The following SASS6 variants were observed in gnomAD, a reference collection of about 807,000 sequenced individuals.
SASS6 encodes spindle assembly abnormal protein 6 homolog.
SASS6 carries 59 observed loss-of-function variants against 94.9 expected under a neutral mutation model. That is an observed-to-expected ratio of 0.62 (90% CI 0.50 to 0.77). The LOEUF is 0.77. SASS6 is among the 30% of genes least tolerant of loss of function. The pLI is 0.00. For missense variants in SASS6, 698 were observed against 734.1 expected (o/e 0.95, Z 0.57); for synonymous variants, 264 against 270.0 (o/e 0.98, Z 0.22).
chr1:100,125,757 G>C (rs1654572436), intron 2 of SASS6, 125 bp downstream of exon 2: 1 of 644,576 alleles, frequency 1.6e-6, no homozygotes, highest in East Asian at 3.0e-5. Context: ...ATTTCCAACA[G>C]TTGCAAAATA....
At chr1:100,124,934 G>A (rs773125579) in intron 2 of SASS6, among the ~76,000 whole-genome samples, 12 of 152,076 alleles carry the variant, frequency 7.9e-5, no homozygotes, top group East Asian at 1.9e-4. Context: ...GAGGTGGATC[G>A]TAGGAGGTTA....
chr1:100,096,453 G>A (rs72973317), intron 14 of SASS6, among the ~76,000 whole-genome samples: 5,025 of 152,208 alleles, frequency 0.033, 303 homozygotes, highest in African/African-American at 0.11. Flanking sequence ...AAACAAAGGA[G>A]AAAATGTTTT....
intron 14 of SASS6, 111 bp downstream of exon 14, chr1:100,102,844 C>T (rs1652604353): frequency 2.6e-6 from 2 of 781,836 alleles, no homozygotes; most frequent in Admixed American, 4.5e-5. Context: ...ACACTACCTA[C>T]TACTTAACAA....
rs1157677771 is a variant in SASS6 at position 100,088,041 on chromosome 1, T to G, written c.1772+98A>C. 27 of 596,310 alleles carry G rather than the reference T, an allele frequency of 4.5e-5. No individual in the cohort carries two copies. The Middle Eastern group carries it at 1.1e-3, about 24-fold the overall frequency. The allele number at this position is 596,310 out of a possible 1,614,324, so 36.9% of individuals were successfully genotyped here. A position where few individuals can be genotyped will look rare whatever the true frequency, so the allele number is the denominator to read the frequency against. On this transcript the variant is annotated intron_variant, in intron 15 of 16. Coordinates refer to ENST00000287482, the MANE Select transcript of SASS6 (RefSeq NM_194292.3). ...GATCAGTAACTTGAAATGTCTCAGG[T>G]AAACAGGTGGGCATCACAGCTCTCA...
At chr1:100,107,348 A>G in intron 11 of SASS6, 26 bp downstream of exon 11, 1 of 1,448,170 alleles carries the variant, frequency 6.9e-7, no homozygotes, top group South Asian at 1.2e-5. Flanking sequence ...TTTAGTTACA[A>G]CATAAAAATT....
At position 100,107,962 on chromosome 1, in the gene SASS6, CTCTT is replaced by C; in HGVS notation, c.900_903del (p.Glu302IlefsTer4). 2 of 1,612,438 alleles carry C rather than the reference CTCTT, an allele frequency of 1.2e-6. No individual in the cohort carries two copies. Among genetic ancestry groups the C allele is most frequent in the Non-Finnish European group, 1.7e-6 (2 of 1,179,164 alleles). On this transcript the variant is annotated frameshift_variant, in exon 9 of 17. Coordinates refer to ENST00000287482, the MANE Select transcript of SASS6 (RefSeq NM_194292.3). LOFTEE classifies it high-confidence loss of function. ...CATTCAACATCTAGTGTAGAATTCT[CTCTT>C]CGCAAAGAGAGGACTTCTTGCTTAG...
At chr1:100,089,901 GAAAA>G (rs60639180) in intron 14 of SASS6, among the ~76,000 whole-genome samples, 2 of 136,150 alleles carry the variant, frequency 1.5e-5, no homozygotes, top group African/African-American at 2.7e-5. Context: ...ATTGTTTAAA[GAAAA>G]AAAAAAAGTA....
At chr1:100,090,453 CA>C (rs1651590833) in intron 14 of SASS6, among the ~76,000 whole-genome samples, 1 of 152,128 alleles carries the variant, frequency 6.6e-6, no homozygotes, top group Non-Finnish European at 1.5e-5. Flanking sequence ...TCCTAAGCGT[CA>C]AAGAGAGGGA....
At chr1:100,129,338 C>G (rs1654847316) in intron 1 of SASS6, among the ~76,000 whole-genome samples, 1 of 151,984 alleles carries the variant, frequency 6.6e-6, no homozygotes, top group African/African-American at 2.4e-5. Flanking sequence ...AGATTAATGA[C>G]TTTTTGCTAG....
intron 6 of SASS6, among the ~76,000 whole-genome samples, 182 bp from the exon 7 acceptor site, chr1:100,119,319 AC>A (rs1372341637): frequency 2.0e-5 from 3 of 152,240 alleles, no homozygotes; most frequent in Non-Finnish European, 4.4e-5. Flanking sequence ...TAGAATAAGA[AC>A]AATCTTAGAC....
chr1:100,094,146 T>C lies in SASS6; in HGVS notation c.1675-5910A>G, dbSNP rs138911302. ...AGAGAGGATGTTACAGCAGAGTCTA[T>C]AGACATTAAAAATAATGGAATACTA... is the stretch of plus-strand genomic sequence containing the variant. On this transcript the variant is annotated intron_variant, in intron 14 of 16. Coordinates refer to ENST00000287482, the MANE Select transcript of SASS6 (RefSeq NM_194292.3). Among the ~76,000 whole-genome samples, 202 of 152,246 alleles carry C rather than the reference T, an allele frequency of 1.3e-3. 2 individuals are homozygous for C. The highest frequency in any genetic ancestry group is 0.012 in the South Asian group (60 of 4,828).
At chr1:100,101,242 G>A (rs939348752) in intron 14 of SASS6, among the ~76,000 whole-genome samples, 1 of 151,710 alleles carries the variant, frequency 6.6e-6, no homozygotes, top group Non-Finnish European at 1.5e-5. Context: ...TAATTATACG[G>A]CATATAGTAT....
chr1:100,122,338 C>A, intron 4 of SASS6, 42 bp downstream of exon 4: 1 of 868,656 alleles, frequency 1.2e-6, no homozygotes, highest in South Asian at 1.5e-5. Flanking sequence ...AAGAGTCTGT[C>A]TTGAATTAAA....
chr1:100,118,341 G>C (rs1375222682), intron 7 of SASS6, among the ~76,000 whole-genome samples: 2 of 151,878 alleles, frequency 1.3e-5, no homozygotes, highest in Admixed American at 1.3e-4. Flanking sequence ...GAATTAAGAA[G>C]GTTAAAAACA....
At position 100,125,934 on chromosome 1, in the gene SASS6, C is replaced by T; in HGVS notation, c.74G>A (p.Ser25Asn). The T allele has an allele frequency of 6.5e-7, 1 of 1,531,572 alleles. No individual in the cohort carries two copies. The highest frequency in any genetic ancestry group is 8.9e-7 in the Non-Finnish European group (1 of 1,122,370). The allele number at this position is 1,531,572 out of a possible 1,614,324, so 94.9% of individuals were successfully genotyped here. ...KCKDCEERRV[S>N]IRMSIELQSV... ...TTGTAGTTCAATGCTCATTCTTATA[C>T]TTACTCTCCTGTAGGAAAAGACATA... is the stretch of plus-strand genomic sequence containing the variant. Residue 25 changes from serine to asparagine, a missense_variant, in exon 2 of 17, where the codon AGT becomes AAT. Physicochemically the swap from Ser to Asn is conservative, Grantham distance 46. Coordinates refer to ENST00000287482, the MANE Select transcript of SASS6 (RefSeq NM_194292.3).
intron 7 of SASS6, among the ~76,000 whole-genome samples, chr1:100,117,778 A>G (rs1245448767): frequency 1.3e-5 from 2 of 152,024 alleles, no homozygotes; most frequent in African/African-American, 2.4e-5. Context: ...CACAAAACAT[A>G]TAAGAAATAT....
chr1:100,124,183 T>C (rs529864825), intron 2 of SASS6, among the ~76,000 whole-genome samples: 1 of 152,196 alleles, frequency 6.6e-6, no homozygotes, highest in African/African-American at 2.4e-5. Flanking sequence ...GTAAGAAGTA[T>C]AATATATCAT....
rs762357132 is a variant in SASS6, at chr1:100,121,551, T to C, written c.312-2A>G. On this transcript the variant is annotated splice_acceptor_variant, in intron 4 of 16. Coordinates refer to ENST00000287482, the MANE Select transcript of SASS6 (RefSeq NM_194292.3). LOFTEE classifies it high-confidence loss of function. ...GGAGAAACTAACTGTAGCAAAAACCTTTGAAAAGAAAATGTTACATTATAA... is the reference window on the plus strand; with the variant it reads ...GGAGAAACTAACTGTAGCAAAAACCCTTGAAAAGAAAATGTTACATTATAA... The C allele has an allele frequency of 6.5e-7, 1 of 1,548,040 alleles. No homozygotes were observed. Among genetic ancestry groups the C allele is most frequent in the Non-Finnish European group, 8.8e-7 (1 of 1,131,258 alleles).
chr1:100,093,731 A>C (rs1198508929), intron 14 of SASS6, among the ~76,000 whole-genome samples: 1 of 152,166 alleles, frequency 6.6e-6, no homozygotes, highest in Non-Finnish European at 1.5e-5. Context: ...ACTGTACTCC[A>C]GTCTGGGGGA....
Sources: allele counts gnomAD v4.1 joint callset (sites outside exome capture counted in the v4.1 genomes callset), GRCh38; gene constraint gnomAD v4.1.1; transcripts MANE v1.5; gene names NCBI Gene and HGNC (gene_info 2026-07-23, HGNC 2026-07-21).